Variants in LDLRAP1 observed in about 807,000 individuals in gnomAD.
LDLRAP1 encodes low density lipoprotein receptor adaptor protein 1.
In LDLRAP1, 30 loss-of-function variants were observed where a neutral mutation model predicts 37.8. The ratio of observed to expected loss-of-function variants is 0.79; its 90% CI spans 0.59 to 1.08. The LOEUF (loss-of-function observed/expected upper bound fraction) is 1.08. LDLRAP1 is among the 50% of genes least tolerant of loss of function. The probability of loss-of-function intolerance (pLI) is 0.00; values close to 1 mark genes in which losing one functional copy is unlikely to be tolerated. For missense variants in LDLRAP1, 375 were observed against 401.6 expected (o/e 0.93, Z 0.57); for synonymous variants, 156 against 169.8 (o/e 0.92, Z 0.63).
chr1:25,567,024 T>G lies in LDLRAP1; in HGVS notation c.*32T>G, dbSNP rs749179688. On this transcript the variant is annotated 3_prime_UTR_variant, in exon 9 of 9. Coordinates refer to ENST00000374338, the MANE Select transcript of LDLRAP1 (RefSeq NM_015627.3). ...GGGGCCAGCCGGACACAAGCGGCCC[T>G]GACACGTGATGGACCAAAGCCACCT... is the stretch of plus-strand genomic sequence containing the variant. 6.2e-7 allele frequency: 1 copy of G among 1,612,690 alleles called. No homozygotes were observed. Among genetic ancestry groups the G allele is most frequent in the Non-Finnish European group, 8.5e-7 (1 of 1,179,772 alleles).
Position 25,565,193 on chromosome 1 carries a change from T to A in LDLRAP1, c.768T>A (p.Asp256Glu). Residue 256 changes from aspartate to glutamate, a missense_variant, in exon 8 of 9, where the codon GAT becomes GAA. By Grantham distance (45) the Asp-to-Glu change is conservative. Transcript: ENST00000374338. ...SVVWELDDGL[D>E]EAFSRLAQSR... ...CCAAGGAGCTGGATGATGGCCTGGA[T>A]GAAGCGTTTTCGAGGTAATGCTAGC... The A allele has an allele frequency of 6.2e-7, 1 of 1,614,214 alleles. No individual in the cohort carries two copies. Among genetic ancestry groups the A allele is most frequent in the Non-Finnish European group, 8.5e-7 (1 of 1,180,024 alleles).
the LDLRAP1 span, among the ~76,000 whole-genome samples, chr1:25,586,586 G>C: frequency 1.6e-5 from 2 of 122,482 alleles, no homozygotes; most frequent in South Asian, 4.8e-4. This position sits in a 1 kb window ranked among gnomAD's most constrained non-coding sequence, Gnocchi z 4.3. Context: ...GTGTGCGCGC[G>C]TGTGTGTGTG....
intron 4 of LDLRAP1, among the ~76,000 whole-genome samples, chr1:25,560,749 T>A (rs1370191292): frequency 6.6e-6 from 1 of 152,212 alleles, no homozygotes; most frequent in East Asian, 1.9e-4. Flanking sequence ...GAACAAGGAA[T>A]GTGAAAAACT....
the LDLRAP1 span, among the ~76,000 whole-genome samples, chr1:25,584,353 T>A: frequency 6.6e-6 from 1 of 151,364 alleles, no homozygotes; most frequent in Admixed American, 6.6e-5. Context: ...CAAGTTCAGT[T>A]TTTTTTTTCT....
At chr1:25,556,412 G>T (rs1230783885) in intron 3 of LDLRAP1, among the ~76,000 whole-genome samples, 1 of 152,170 alleles carries the variant, frequency 6.6e-6, no homozygotes, top group African/African-American at 2.4e-5. Flanking sequence ...CTCCTCCCGG[G>T]CCCACTGGGG....
Position 25,554,604 on chromosome 1 carries a change from C to T in LDLRAP1, c.232-256C>T, listed in dbSNP as rs2044155607. ...TGTGTCCTTGGGTAAGTCCCTTAGCCTCTCTGAGTCCATCTCTGGGGAGAG... is the reference window on the plus strand; with the variant it reads ...TGTGTCCTTGGGTAAGTCCCTTAGCTTCTCTGAGTCCATCTCTGGGGAGAG... On this transcript the variant is annotated intron_variant, in intron 2 of 8. Transcript: ENST00000374338. The surrounding 1 kb of genome is among the most constrained non-coding windows in gnomAD (Gnocchi z 5.4). Among the ~76,000 whole-genome samples the T allele has an allele frequency of 6.6e-6, 1 of 152,338 alleles. No homozygotes were observed. The highest frequency in any genetic ancestry group is 2.4e-5 in the African/African-American group (1 of 41,588).
intron 1 of LDLRAP1, chr1:25,553,615 G>A (rs1040385787): frequency 3.3e-5 from 13 of 397,650 alleles, no homozygotes; most frequent in Non-Finnish European, 6.2e-5. Flanking sequence ...ACTTTGGGAG[G>A]CTGAGGCGGG....
chr1:25,577,664 C>A, the LDLRAP1 span, among the ~76,000 whole-genome samples: 4 of 152,172 alleles, frequency 2.6e-5, no homozygotes, highest in Non-Finnish European at 5.9e-5. Context: ...GAAGGCGGAG[C>A]ATTTGAGGCA....
rs990151325 is a variant in LDLRAP1, at chr1:25,554,556, G to A, written c.232-304G>A. On this transcript the variant is annotated intron_variant, in intron 2 of 8. Coordinates refer to ENST00000374338, the MANE Select transcript of LDLRAP1 (RefSeq NM_015627.3). The surrounding 1 kb of genome is among the most constrained non-coding windows in gnomAD (Gnocchi z 5.4). ...GGGTTGTGCTAGCTCATTCAGTGCC[G>A]AGTCTGCAGGCCCTTCTAGCTGTGT... 2.0e-5 allele frequency among the ~76,000 whole-genome samples: 3 copies of A among 152,220 alleles called. No homozygotes were observed. Among genetic ancestry groups the A allele is most frequent in the Non-Finnish European group, 2.9e-5 (2 of 68,036 alleles).
At chr1:25,576,758 C>T in the LDLRAP1 span, among the ~76,000 whole-genome samples, 1 of 152,248 alleles carries the variant, frequency 6.6e-6, no homozygotes, top group Non-Finnish European at 1.5e-5. Context: ...CACAGAGGCT[C>T]TCTCCCACCC....
chr1:25,572,304 G>A (rs546898040), downstream of LDLRAP1, among the ~76,000 whole-genome samples: 1 of 152,276 alleles, frequency 6.6e-6, no homozygotes, highest in East Asian at 1.9e-4. Flanking sequence ...AGGCAGCGCT[G>A]GAGTCCCTGC....
At chr1:25,548,152 G>A (rs995253049) in intron 1 of LDLRAP1, among the ~76,000 whole-genome samples, 5 of 152,120 alleles carry the variant, frequency 3.3e-5, no homozygotes, top group African/African-American at 4.8e-5. Context: ...TGGGAACACT[G>A]ATCTATCCTG....
chr1:25,566,782 C>A lies in LDLRAP1; in HGVS notation c.783-66C>A, dbSNP rs776483108. ...CTGCTGTTCCCCACTGGTGCCCCCT[C>A]GCGTCTGACCCTGGGGCGCGCCAGC... On this transcript the variant is annotated intron_variant, in intron 8 of 8. Coordinates refer to ENST00000374338, the MANE Select transcript of LDLRAP1 (RefSeq NM_015627.3). 8.3e-6 allele frequency: 13 copies of A among 1,560,862 alleles called. No homozygotes were observed. The African/African-American group carries it at 1.6e-4, about 20-fold the overall frequency.
the LDLRAP1 span, among the ~76,000 whole-genome samples, chr1:25,584,504 A>T: frequency 6.6e-6 from 1 of 152,138 alleles, no homozygotes; most frequent in Non-Finnish European, 1.5e-5. Flanking sequence ...ACACCAGCAG[A>T]GGTCCCCAGG....
intron 7 of LDLRAP1, chr1:25,564,743 C>T (rs904571492): frequency 5.3e-6 from 1 of 187,248 alleles, no homozygotes; most frequent in Non-Finnish European, 1.1e-5. Context: ...TTTGGCTTGG[C>T]TTTTGGAAGT....
rs757086112 is a variant in LDLRAP1, at chr1:25,563,104, A to C, written c.567A>C (p.Gly189=). ...AGAGGGACAAAGCCAGCCAAGAGGG[A>C]GGGGACGTCCTGGGGGCCCGCCAAG... The part of the protein sequence containing the change: ...KEKRDKASQE[G]GDVLGARQDC... Residue 189 remains glycine (G), a synonymous_variant, in exon 6 of 9, where the codon GGA becomes GGC. Coordinates refer to ENST00000374338, the MANE Select transcript of LDLRAP1 (RefSeq NM_015627.3). 3 of 1,613,952 alleles carry C rather than the reference A, an allele frequency of 1.9e-6. No individual in the cohort carries two copies. The highest frequency in any genetic ancestry group is 3.3e-5 in the Admixed American group (2 of 60,006).
rs556810933 is a variant in LDLRAP1, at chr1:25,555,254, C to G, written c.344+282C>G. Among the ~76,000 whole-genome samples the G allele has an allele frequency of 2.0e-5, 3 of 152,364 alleles. No homozygotes were observed. Among genetic ancestry groups the G allele is most frequent in the South Asian group, 2.1e-4 (1 of 4,832 alleles). Reference sequence around the variant, plus strand: ...GCTGAGCCCACCCGTGCCCTTCCCCCCTACTCCCCACCAGCATGCCGCTGA... The same window carrying G: ...GCTGAGCCCACCCGTGCCCTTCCCCGCTACTCCCCACCAGCATGCCGCTGA... On this transcript the variant is annotated intron_variant, in intron 3 of 8. Transcript: ENST00000374338. The surrounding 1 kb of genome is among the most constrained non-coding windows in gnomAD (Gnocchi z 4.7).
At chr1:25,557,379 G>A in intron 4 of LDLRAP1, 112 bp downstream of exon 4, 1 of 813,536 alleles carries the variant, frequency 1.2e-6, no homozygotes, top group Middle Eastern at 2.7e-4. Flanking sequence ...CATTACTTAA[G>A]AAGAGGGTGA....
chr1:25,548,356 T>C (rs1392562530), intron 1 of LDLRAP1, among the ~76,000 whole-genome samples: 1 of 146,102 alleles, frequency 6.8e-6, no homozygotes, highest in Non-Finnish European at 1.5e-5. Context: ...TTTTTTTTTT[T>C]TTTTTTTTTA....
Sources: gnomAD v4.1 joint callset for allele counts (sites outside exome capture counted in the v4.1 genomes callset) on GRCh38, gnomAD v4.1.1 for gene constraint, Gnocchi (gnomAD v3.1) non-coding constraint, MANE v1.5 for transcripts, NCBI Gene and HGNC (gene_info 2026-07-23, HGNC 2026-07-21) for gene names.